The following USP50 variants were observed in gnomAD, a reference collection of about 807,000 sequenced individuals.
The protein encoded by USP50 is ubiquitin specific peptidase 50.
USP50 carries 37 observed loss-of-function variants against 39.2 expected under a neutral mutation model. The ratio of observed to expected loss-of-function variants is 0.94; its 90% confidence interval spans 0.73 to 1.24. The LOEUF is 1.24. USP50 is among the 50% of genes most tolerant of loss of function. The pLI is 0.00. For missense variants in USP50, 374 were observed against 398.2 expected (o/e 0.94, Z 0.52); for synonymous variants, 139 against 144.5 (o/e 0.96, Z 0.27).
At chr15:50,517,993 C>T (rs1444908240) in intron 6 of USP50, among the ~76,000 whole-genome samples, 1 of 152,182 alleles carries the variant, frequency 6.6e-6, no homozygotes, top group African/African-American at 2.4e-5. Flanking sequence ...AGTCATCACA[C>T]CCAGCCAACA....
intron 6 of USP50, chr15:50,506,950 T>G (rs1167544064): frequency 1.1e-5 from 1 of 87,508 alleles, no homozygotes; most frequent in African/African-American, 5.2e-5. Context: ...AGAGCGAGAC[T>G]TCATCTCAAA....
At chr15:50,517,223 C>A (rs2052810607) in intron 6 of USP50, among the ~76,000 whole-genome samples, 2 of 152,274 alleles carry the variant, frequency 1.3e-5, no homozygotes, top group Admixed American at 1.3e-4. Context: ...GTAATCCCAG[C>A]ACTTTAGGAG....
At chr15:50,515,215 C>T (rs2052791866) in intron 6 of USP50, among the ~76,000 whole-genome samples, 1 of 151,896 alleles carries the variant, frequency 6.6e-6, no homozygotes, top group South Asian at 2.1e-4. Flanking sequence ...GAGTGACAAA[C>T]TCACTTTATG....
chr15:50,541,126 C>T lies in USP50; in HGVS notation c.583G>A (p.Glu195Lys). ...LNYSIVCLKC[E>K]KCTYKNEVFT... Reference sequence around the variant, plus strand: ...ACTTCGTTCTTGTAGGTGCATTTCTCACACTTTAAACATACGATGCTATAA... The same window carrying T: ...ACTTCGTTCTTGTAGGTGCATTTCTTACACTTTAAACATACGATGCTATAA... Residue 195 changes from glutamate (E) to lysine (K), a missense_variant, in exon 4 of 7, where the codon GAG (glutamate) becomes AAG (lysine). By Grantham distance (56) the Glu-to-Lys change is moderately conservative (BLOSUM62 1). Coordinates refer to ENST00000532404, the MANE Select transcript of USP50 (RefSeq NM_203494.5). 1.9e-6 allele frequency: 3 copies of T among 1,613,872 alleles called. No homozygotes were observed. Among genetic ancestry groups the T allele is most frequent in the Admixed American group, 1.7e-5 (1 of 60,000 alleles).
chr15:50,493,860 GCAGGGCTTGCAGCCAA>G, downstream of USP50: 1 of 707,164 alleles, frequency 1.4e-6, no homozygotes, highest in Non-Finnish European at 2.6e-6. Flanking sequence ...AGGAGACCAT[GCAGGGCTTGCAGCCAA>G]AAGAAGGAAG....
chr15:50,531,494 T>C (rs1378223154), intron 5 of USP50, among the ~76,000 whole-genome samples: 2 of 151,498 alleles, frequency 1.3e-5, no homozygotes, highest in African/African-American at 4.8e-5. Flanking sequence ...AAAACAAAAT[T>C]ATAGGGACGG....
intron 6 of USP50, among the ~76,000 whole-genome samples, chr15:50,515,954 C>CTAAA (rs2052800389): frequency 6.6e-6 from 1 of 152,084 alleles, no homozygotes; most frequent in African/African-American, 2.4e-5. Context: ...AATGAATGTA[C>CTAAA]TAAAGCTAAC....
chr15:50,537,221 A>C (rs750993301), intron 5 of USP50, among the ~76,000 whole-genome samples: 1 of 150,902 alleles, frequency 6.6e-6, no homozygotes, highest in Non-Finnish European at 1.5e-5. Context: ...GTGCTAGGAC[A>C]ACTGGATATC....
At chr15:50,496,889 G>A, downstream of USP50, 1 of 566,208 alleles carries the variant, frequency 1.8e-6, no homozygotes, top group Non-Finnish European at 2.9e-6. Context: ...ACTGTAGGTA[G>A]CACTCACCAC....
At chr15:50,494,300 T>A in intron 1 of USP50, 1 of 1,582,286 alleles carries the variant, frequency 6.3e-7, no homozygotes, top group Non-Finnish European at 8.6e-7. Flanking sequence ...TTGATTTTTC[T>A]AAGTTGCAGA....
At chr15:50,508,165 C>CA (rs1454619534) in intron 6 of USP50, 3 of 148,518 alleles carry the variant, frequency 2.0e-5, no homozygotes, top group Admixed American at 1.3e-4. Context: ...GATACCCCCA[C>CA]AAAAAATCAA....
intron 6 of USP50, among the ~76,000 whole-genome samples, chr15:50,518,764 G>T (rs2052824150): frequency 6.6e-6 from 1 of 152,094 alleles, no homozygotes; most frequent in Admixed American, 6.6e-5. Context: ...AGATTTTATG[G>T]CTAAGGCCTT....
In USP50 at chr15:50,531,216, A is replaced by G. The variant is rs57501448; in HGVS notation, c.804-1287T>C. On this transcript the variant is annotated intron_variant, in intron 5 of 6. Coordinates refer to ENST00000532404, the MANE Select transcript of USP50 (RefSeq NM_203494.5). ...TGATCCAGCAATTCTGTACCTAGGT[A>G]TCATCCCAAGAGAAATGAAGCCTTA... 2.6e-4 allele frequency among the ~76,000 whole-genome samples: 40 copies of G among 152,328 alleles called. No individual in the cohort carries two copies. The East Asian group carries it at 7.5e-3, about 29-fold the overall frequency.
chr15:50,499,925 T>G (rs2052550025), downstream of USP50: 1 of 152,110 alleles, frequency 6.6e-6, no homozygotes, highest in Non-Finnish European at 1.5e-5. Flanking sequence ...GAATATTCAT[T>G]CTAAATATTA....
At chr15:50,541,020 C>A (rs767637165) in intron 4 of USP50, 29 bp downstream of exon 4, 1 of 1,569,444 alleles carries the variant, frequency 6.4e-7, no homozygotes, top group Non-Finnish European at 8.8e-7. Context: ...TATAGCGAGA[C>A]AAAGTGTCCA....
intron 5 of USP50, chr15:50,532,289 C>T (rs2052947293): frequency 2.2e-6 from 1 of 451,652 alleles, no homozygotes; most frequent in Admixed American, 2.4e-5. Flanking sequence ...TTCGTAAAGC[C>T]TGCCCACAGG....
chr15:50,541,965 C>T lies in USP50; in HGVS notation c.445-701G>A, dbSNP rs546483015. On this transcript the variant is annotated intron_variant, in intron 3 of 6. Coordinates refer to ENST00000532404, the MANE Select transcript of USP50 (RefSeq NM_203494.5). ...CATGGTGGCTAACATCTGTAATCGT[C>T]GTGCTTTGGGAGGCTGAGGCGGGAG... is the stretch of plus-strand genomic sequence containing the variant. Among the ~76,000 whole-genome samples, 5 of 151,022 alleles carry T rather than the reference C, an allele frequency of 3.3e-5. 1 individual carries two copies. In the South Asian group the frequency reaches 6.3e-4, roughly 19 times the overall value.
intron 6 of USP50, among the ~76,000 whole-genome samples, chr15:50,514,994 T>TTA (rs2052789697): frequency 2.7e-5 from 2 of 74,628 alleles, no homozygotes; most frequent in Non-Finnish European, 5.0e-5. Flanking sequence ...AGACACAGTC[T>TTA]AAAAAAAAAA....
At position 50,543,648 on chromosome 15, in the gene USP50, G is replaced by A; in HGVS notation, c.394C>T (p.Gln132Ter). Residue 132 changes from glutamine to a stop codon, truncating the protein, a stop_gained, in exon 3 of 7, where the codon CAG becomes TAG. Transcript: ENST00000532404. LOFTEE classifies it high-confidence loss of function. ...TTTAGGACACAAATCAAGAATTCCT[G>A]AGCATCTTGTTGCATCTTTTTCGTA... is the stretch of plus-strand genomic sequence containing the variant. ...AFTKKMQQDA[Q>*]EFLICVLNEL... is the part of the protein sequence containing the mutation. 6.2e-7 allele frequency: 1 copy of A among 1,613,716 alleles called. No individual in the cohort carries two copies. Among genetic ancestry groups the A allele is most frequent in the Non-Finnish European group, 8.5e-7 (1 of 1,179,798 alleles).
Sources: gnomAD v4.1 joint callset for allele counts (sites outside exome capture counted in the v4.1 genomes callset) on GRCh38, gnomAD v4.1.1 for gene constraint, MANE v1.5 for transcripts, NCBI Gene and HGNC (gene_info 2026-07-23, HGNC 2026-07-21) for gene names.